ARHGEF10L: variants seen among roughly 807,000 people sequenced by gnomAD.
ARHGEF10L encodes rho guanine nucleotide exchange factor 10-like protein.
In ARHGEF10L, 69 loss-of-function variants were observed where a neutral mutation model predicts 141.2. The ratio of observed to expected loss-of-function variants is 0.49; its 90% CI spans 0.40 to 0.60. The LOEUF (loss-of-function observed/expected upper bound fraction) is 0.60. Among genes scored for constraint, ARHGEF10L ranks in the 20% least tolerant of loss-of-function variants. ARHGEF10L has a pLI of 0.00. For synonymous variants in ARHGEF10L, 711 were observed against 718.5 expected (o/e 0.99, Z 0.17); for missense variants, 1,482 against 1,734.3 (o/e 0.85, Z 2.58).
chr1:17,622,925 G>A, intron 11 of ARHGEF10L, 71 bp from the exon 12 acceptor site: 1 of 1,515,472 alleles, frequency 6.6e-7, no homozygotes, highest in Non-Finnish European at 8.9e-7. Flanking sequence ...GGCTGGCCGA[G>A]TTCTGCATGA....
At chr1:17,640,831 T>C (rs916055017) in intron 21 of ARHGEF10L, among the ~76,000 whole-genome samples, 10 of 152,260 alleles carry the variant, frequency 6.6e-5, no homozygotes, top group African/African-American at 2.4e-4. Context: ...ACTATGTTTT[T>C]CTTCCTGTGC....
In ARHGEF10L at chr1:17,625,377, T is replaced by C. The variant is rs929774466; in HGVS notation, c.1318-579T>C. 2.0e-5 allele frequency among the ~76,000 whole-genome samples: 3 copies of C among 151,950 alleles called. No individual in the cohort carries two copies. Among genetic ancestry groups the C allele is most frequent in the South Asian group, 2.1e-4 (1 of 4,808 alleles). On this transcript the variant is annotated intron_variant, in intron 13 of 28. Transcript: ENST00000361221. The surrounding 1 kb of genome is among the most constrained non-coding windows in gnomAD (Gnocchi z 4.5). ...CACACTAAGAGGCGGCTGAGTTCAG[T>C]TGGGTGGTTCTAGACCTCCAGGCCC...
chr1:17,628,297 T>C (rs1298416150), intron 15 of ARHGEF10L, among the ~76,000 whole-genome samples: 1 of 152,160 alleles, frequency 6.6e-6, no homozygotes, highest in Non-Finnish European at 1.5e-5. Flanking sequence ...GCCACTGTAC[T>C]CCAGCCTGGG....
intron 16 of ARHGEF10L, among the ~76,000 whole-genome samples, chr1:17,633,070 A>G (rs1387403709): frequency 6.6e-6 from 1 of 152,192 alleles, no homozygotes; most frequent in Non-Finnish European, 1.5e-5. Context: ...TGGGTATCTT[A>G]TGTTTTACTA....
At chr1:17,661,794 C>A (rs1346838785) in intron 25 of ARHGEF10L, among the ~76,000 whole-genome samples, 1 of 152,254 alleles carries the variant, frequency 6.6e-6, no homozygotes, top group Non-Finnish European at 1.5e-5. Flanking sequence ...TGGCTCCAGC[C>A]TCCTGCTGTG....
intron 1 of ARHGEF10L, among the ~76,000 whole-genome samples, chr1:17,553,427 A>G (rs1448792470): frequency 6.6e-6 from 1 of 152,072 alleles, no homozygotes; most frequent in Admixed American, 6.5e-5. Flanking sequence ...CCTGTCCTCT[A>G]TTGCCTGTGG....
At position 17,697,457 on chromosome 1, in the gene ARHGEF10L, G is replaced by T. The variant is rs2065593618; in HGVS notation, c.*77G>T. Reference sequence around the variant, plus strand: ...GCCCGGCTCTCGTGCTCTAGGACCTGCACGGGACTTGTGGATGGGCCTGGA... The same window carrying T: ...GCCCGGCTCTCGTGCTCTAGGACCTTCACGGGACTTGTGGATGGGCCTGGA... On this transcript the variant is annotated 3_prime_UTR_variant, in exon 29 of 29. Coordinates refer to ENST00000361221, the MANE Select transcript of ARHGEF10L (RefSeq NM_018125.4). The surrounding 1 kb of genome is among the most constrained non-coding windows in gnomAD (Gnocchi z 4.8). 1 of 1,493,810 alleles carries T rather than the reference G, an allele frequency of 6.7e-7. No individual in the cohort carries two copies. The highest frequency in any genetic ancestry group is 1.4e-5 in the African/African-American group (1 of 71,542). The allele number at this position is 1,493,810 out of a possible 1,614,324, so 92.5% of individuals were successfully genotyped here. A position where few individuals can be genotyped will look rare whatever the true frequency, so the allele number is the denominator to read the frequency against.
Position 17,573,929 on chromosome 1 carries a change from C to T in ARHGEF10L, c.-43-6624C>T, listed in dbSNP as rs2100398642. Among the ~76,000 whole-genome samples, 1 of 152,282 alleles carries T rather than the reference C, an allele frequency of 6.6e-6. No individual in the cohort carries two copies. Among genetic ancestry groups the T allele is most frequent in the Non-Finnish European group, 1.5e-5 (1 of 68,002 alleles). On this transcript the variant is annotated intron_variant, in intron 1 of 28. Transcript: ENST00000361221. This position sits in a 1 kb window ranked among gnomAD's most constrained non-coding sequence, Gnocchi z 4.8. The stretch of plus-strand genomic sequence containing the variant: ...AAACTTGGCCCCTGCCCCAGTGAGG[C>T]AGGCCCCCTTCTCAGAGCTCCCCTC...
intron 1 of ARHGEF10L, among the ~76,000 whole-genome samples, chr1:17,564,100 G>A (rs542581229): frequency 2.1e-4 from 32 of 152,310 alleles, no homozygotes; most frequent in Non-Finnish European, 4.0e-4. Flanking sequence ...CCACAGAGCG[G>A]GAGGGTGCTG....
intron 1 of ARHGEF10L, among the ~76,000 whole-genome samples, chr1:17,567,388 A>G (rs889143824): frequency 6.6e-6 from 1 of 151,654 alleles, no homozygotes; most frequent in African/African-American, 2.4e-5. Flanking sequence ...TTTTTTTGAG[A>G]TGTAGTCTCA....
chr1:17,621,541 T>C lies in ARHGEF10L; in HGVS notation c.943-323T>C, dbSNP rs1347851100. 2.0e-5 allele frequency among the ~76,000 whole-genome samples: 3 copies of C among 152,158 alleles called. No individual in the cohort carries two copies. The highest frequency in any genetic ancestry group is 1.5e-5 in the Non-Finnish European group (1 of 68,022). ...AGCCACCTTGCCTGGCCTAGGATTT[T>C]CTATTAGAGTTGTCCAAAGATGGAG... On this transcript the variant is annotated intron_variant, in intron 10 of 28. Coordinates refer to ENST00000361221, the MANE Select transcript of ARHGEF10L (RefSeq NM_018125.4). This position sits in a 1 kb window ranked among gnomAD's most constrained non-coding sequence, Gnocchi z 4.1.
intron 1 of ARHGEF10L, among the ~76,000 whole-genome samples, chr1:17,554,212 A>G (rs996752789): frequency 2.0e-5 from 3 of 152,154 alleles, no homozygotes; most frequent in African/African-American, 4.8e-5. Flanking sequence ...GAAACACTAA[A>G]TGGGTGAGTC....
chr1:17,663,929 G>T (rs953746299), intron 25 of ARHGEF10L, among the ~76,000 whole-genome samples: 1 of 152,186 alleles, frequency 6.6e-6, no homozygotes, highest in African/African-American at 2.4e-5. Flanking sequence ...GATTTCCCCT[G>T]GTGCAGAGTT....
At position 17,638,656 on chromosome 1, in the gene ARHGEF10L, G is replaced by T; in HGVS notation, c.2138G>T (p.Arg713Leu). 1 of 1,614,136 alleles carries T rather than the reference G, an allele frequency of 6.2e-7. No individual in the cohort carries two copies. The highest frequency in any genetic ancestry group is 2.2e-5 in the East Asian group (1 of 44,862). The change falls in exon 20 of 29, where the codon CGT becomes CTT. Residue 713 changes from arginine (R) to leucine (L), a missense_variant. Coordinates refer to ENST00000361221, the MANE Select transcript of ARHGEF10L (RefSeq NM_018125.4). ...GAGATCCACTCGGCCAACAAGTGCC[G>T]TCTCAGGCTCCTGCTTCCTGGGAAA... Reference protein sequence around the residue: ...EEEIHSANKCRLRLLLPGKPD... With the variant: ...EEEIHSANKCLLRLLLPGKPD...
chr1:17,550,353 A>T (rs142375599), intron 1 of ARHGEF10L, among the ~76,000 whole-genome samples: 2,443 of 152,284 alleles, frequency 0.016, 29 homozygotes, highest in Non-Finnish European at 0.024. Flanking sequence ...TAGAAGTCCA[A>T]GGGGGTAGGC....
rs1279157600 is a variant in ARHGEF10L, at chr1:17,673,270, C to T, written c.3009+8675C>T. Among the ~76,000 whole-genome samples, 1 of 152,074 alleles carries T rather than the reference C, an allele frequency of 6.6e-6. No homozygotes were observed. The highest frequency in any genetic ancestry group is 1.5e-5 in the Non-Finnish European group (1 of 68,024). ...CCCAGTCTTAGCTGGTAGCAGCCAG[C>T]CCCCGATCCTCGCCTCCCCTCCACT... On this transcript the variant is annotated intron_variant, in intron 26 of 28. Coordinates refer to ENST00000361221, the MANE Select transcript of ARHGEF10L (RefSeq NM_018125.4). The surrounding 1 kb of genome is among the most constrained non-coding windows in gnomAD (Gnocchi z 4.1).
chr1:17,587,719 T>C (rs1232984241), intron 3 of ARHGEF10L, 74 bp downstream of exon 3: 60 of 1,465,290 alleles, frequency 4.1e-5, no homozygotes, highest in Non-Finnish European at 5.5e-5. Context: ...CTCCAGGCTC[T>C]CAGGGATGCC....
chr1:17,667,921 C>T (rs2063086603), intron 26 of ARHGEF10L, among the ~76,000 whole-genome samples: 2 of 152,190 alleles, frequency 1.3e-5, no homozygotes, highest in South Asian at 2.1e-4. Context: ...GCACCCTACC[C>T]CCTTGGAGGT....
chr1:17,600,568 A>C (rs2080550448), intron 4 of ARHGEF10L, among the ~76,000 whole-genome samples: 1 of 152,212 alleles, frequency 6.6e-6, no homozygotes, highest in Non-Finnish European at 1.5e-5. Context: ...GCTGAGACCT[A>C]CGTTGGCACA....
Sources: gnomAD v4.1 joint callset for allele counts (sites outside exome capture counted in the v4.1 genomes callset) on GRCh38, gnomAD v4.1.1 for gene constraint, Gnocchi (gnomAD v3.1) non-coding constraint, MANE v1.5 for transcripts, NCBI Gene and HGNC (gene_info 2026-07-23, HGNC 2026-07-21) for gene names.